The following MLXIP variants were observed in gnomAD, a reference collection of about 807,000 sequenced individuals.
MLXIP encodes the protein MLX-interacting protein.
MLXIP carries 30 observed loss-of-function variants against 87.2 expected under a neutral mutation model. The observed-to-expected ratio is 0.34, with a 90% CI of 0.26 to 0.47. The LOEUF (loss-of-function observed/expected upper bound fraction) is 0.47, where lower values mean the gene tolerates loss of function less well. Among genes scored for constraint, MLXIP ranks in the 20% least tolerant of loss-of-function variants. The probability of loss-of-function intolerance (pLI) is 1.00; values close to 1 mark genes in which losing one functional copy is unlikely to be tolerated. For missense variants in MLXIP, 1,002 were observed against 1,240.1 expected (o/e 0.81, Z 2.88); for synonymous variants, 530 against 514.0 (o/e 1.03, Z -0.42).
chr12:122,129,487 C>T (rs1376419576), intron 4 of MLXIP, 101 bp from the exon 5 acceptor site: 6 of 1,370,384 alleles, frequency 4.4e-6, no homozygotes, highest in Non-Finnish European at 6.1e-6. Flanking sequence ...ATGGTGTGAG[C>T]AGGACCCCTA....
intron 1 of MLXIP, among the ~76,000 whole-genome samples, chr12:122,102,715 A>G (rs1326711218): frequency 6.6e-6 from 1 of 152,246 alleles, no homozygotes; most frequent in East Asian, 1.9e-4. Context: ...GGATAGGAAT[A>G]TTATTCAGTG....
At chr12:122,129,367 G>A (rs961831649) in intron 4 of MLXIP, 141 bp downstream of exon 4, 13 of 927,858 alleles carry the variant, frequency 1.4e-5, no homozygotes, top group East Asian at 7.9e-5. Context: ...GGGGCCCAGC[G>A]TGCCAGACTA....
chr12:122,145,476 CTG>C lies in MLXIP; in HGVS notation c.*3666_*3667del, dbSNP rs780214634. ...GCACAGTGGCAGGCAGCACCTCTGT[CTG>C]TTGCTGACGTTGGGGGGCTTACACA... is the stretch of plus-strand genomic sequence containing the variant. On this transcript the variant is annotated 3_prime_UTR_variant, in exon 17 of 17. Transcript: ENST00000319080. 3 of 152,318 alleles carry C rather than the reference CTG, an allele frequency of 2.0e-5. No individual in the cohort carries two copies. The highest frequency in any genetic ancestry group is 4.4e-5 in the Non-Finnish European group (3 of 68,114). 9.4% of individuals were successfully genotyped at this position (152,318 alleles called of 1,614,324 possible).
intron 2 of MLXIP, 105 bp from the exon 3 acceptor site, chr12:122,127,778 G>A (rs7488393): frequency 0.47 from 390,011 of 829,162 alleles, 93,137 homozygotes; most frequent in Middle Eastern, 0.6. Context: ...GAAGGAAAGG[G>A]TACCTGGGAA....
At chr12:122,114,989 C>T (rs1050564697) in intron 1 of MLXIP, among the ~76,000 whole-genome samples, 1 of 151,794 alleles carries the variant, frequency 6.6e-6, no homozygotes, top group African/African-American at 2.4e-5. Context: ...TCAAATGATC[C>T]ACCTGCCTCA....
In MLXIP at chr12:122,133,354, A is replaced by T. The variant is rs1458319573; in HGVS notation, c.1099A>T (p.Ile367Phe). Residue 367 changes from isoleucine to phenylalanine, a missense_variant, in exon 9 of 17, where the codon ATC (isoleucine) becomes TTC (phenylalanine). Ile to Phe is a conservative substitution (Grantham distance 21, BLOSUM62 0). Around this residue, in one of 3 missense-constraint regions of MLXIP, gnomAD observed 746 missense variants for 897.0 expected, o/e 0.83. Coordinates refer to ENST00000319080, the MANE Select transcript of MLXIP (RefSeq NM_014938.6). The surrounding 1 kb of genome is among the most constrained non-coding windows in gnomAD (Gnocchi z 4.9). ...DPNNPPAQESILPTTALPTVS... is the reference protein window; with the variant it reads ...DPNNPPAQESFLPTTALPTVS... Reference sequence around the variant, plus strand: ...TCCTTTCTTCCTTTTTCAGGAGAGCATCCTGCCGACCACAGCCCTCCCCAC... The same window carrying T: ...TCCTTTCTTCCTTTTTCAGGAGAGCTTCCTGCCGACCACAGCCCTCCCCAC... 1 of 1,558,508 alleles carries T rather than the reference A, an allele frequency of 6.4e-7. No individual in the cohort carries two copies. Among genetic ancestry groups the T allele is most frequent in the Non-Finnish European group, 8.7e-7 (1 of 1,150,046 alleles).
chr12:122,132,295 T>A lies in MLXIP; in HGVS notation c.1004T>A (p.Leu335His). 2 of 1,610,690 alleles carry A rather than the reference T, an allele frequency of 1.2e-6. No individual in the cohort carries two copies. The highest frequency in any genetic ancestry group is 1.7e-6 in the Non-Finnish European group (2 of 1,178,388). ...GACCCCTGCTGTTGTTTTTCAGACC[T>A]CTTCTCTTCTAGCCGCTCCATTTTT... ...FMDTFEPFQD[L>H]FSSSRSIFGS... The change falls in exon 8 of 17, where the codon CTC becomes CAC. Residue 335 changes from leucine (L) to histidine (H), a missense_variant. Physicochemically the swap from Leu to His is moderately conservative, Grantham distance 99. Transcript: ENST00000319080.
intron 1 of MLXIP, among the ~76,000 whole-genome samples, chr12:122,097,613 TAAA>T (rs373093831): frequency 7.1e-6 from 1 of 140,578 alleles, no homozygotes. Flanking sequence ...ACCCTGCCTC[TAAA>T]AAAAAAAAAA....
intron 1 of MLXIP, among the ~76,000 whole-genome samples, chr12:122,114,025 G>A (rs1213517668): frequency 9.3e-6 from 1 of 107,838 alleles, no homozygotes; most frequent in Admixed American, 1.2e-4. Context: ...CACTCTTGTT[G>A]CCCAGGCTAG....
chr12:122,139,915 C>G (rs926564372), intron 15 of MLXIP, among the ~76,000 whole-genome samples: 12 of 152,130 alleles, frequency 7.9e-5, no homozygotes, highest in South Asian at 6.2e-4. Context: ...CTCAGGTGAT[C>G]CCCCTGCCTT....
Position 122,141,752 on chromosome 12 carries a change from G to C in MLXIP, c.2700G>C (p.Gln900His). 1 of 1,613,904 alleles carries C rather than the reference G, an allele frequency of 6.2e-7. No individual in the cohort carries two copies. The highest frequency in any genetic ancestry group is 8.5e-7 in the Non-Finnish European group (1 of 1,179,900). The change falls in exon 17 of 17, where the codon CAG (glutamine) becomes CAC (histidine). Residue 900 changes from glutamine to histidine, a missense_variant. By Grantham distance (24) the Gln-to-His change is conservative (BLOSUM62 0). Transcript: ENST00000319080. ...TSTSILTDPA[Q>H]LPEQASKAVT... ...CCTCCATCCTCACAGACCCGGCACA[G>C]CTGCCAGAGCAGGCGTCCAAGGCTG...
rs1953235609 is a variant in MLXIP at position 122,142,925 on chromosome 12, T to C, written c.*1113T>C. On this transcript the variant is annotated 3_prime_UTR_variant, in exon 17 of 17. Transcript: ENST00000319080. ...ATCTCTCAGATCAGACAGCAAAGAA[T>C]CTACCCAGATCTGGGCTGGGTGGAG... 1 of 153,800 alleles carries C rather than the reference T, an allele frequency of 6.5e-6. No individual in the cohort carries two copies. The highest frequency in any genetic ancestry group is 1.4e-5 in the Non-Finnish European group (1 of 68,968). The allele number at this position is 153,800 out of a possible 1,614,324, so 9.5% of individuals were successfully genotyped here. A position where few individuals can be genotyped will look rare whatever the true frequency, so the allele number is the denominator to read the frequency against.
Position 122,133,128 on chromosome 12 carries a change from C to A in MLXIP, c.1093-220C>A, listed in dbSNP as rs1953009988. ...AGCTGTGTGAGGGCCGTTGCCTTAT[C>A]TGAGCTCTGAGTTATTTAGTTTTTA... is the stretch of plus-strand genomic sequence containing the variant. On this transcript the variant is annotated intron_variant, in intron 8 of 16. Transcript: ENST00000319080. The surrounding 1 kb of genome is among the most constrained non-coding windows in gnomAD (Gnocchi z 4.9). 1 of 487,286 alleles carries A rather than the reference C, an allele frequency of 2.1e-6. No individual in the cohort carries two copies. The highest frequency in any genetic ancestry group is 3.5e-6 in the Non-Finnish European group (1 of 284,438). The allele number at this position is 487,286 out of a possible 1,614,324, so 30.2% of individuals were successfully genotyped here. A position where few individuals can be genotyped will look rare whatever the true frequency, so the allele number is the denominator to read the frequency against.
In MLXIP at chr12:122,142,395, CT is replaced by C; in HGVS notation, c.*585del. The C allele has an allele frequency of 1.4e-5, 7 of 500,290 alleles. No individual in the cohort carries two copies. Among genetic ancestry groups the C allele is most frequent in the Non-Finnish European group, 2.7e-5 (7 of 258,154 alleles). 31.0% of individuals were successfully genotyped at this position (500,290 alleles called of 1,614,324 possible). ...ATGGCAGGCTGCCAGGGGGAAGTGC[CT>C]TCTTCAGAGGTCCTCCAGGACACAT... On this transcript the variant is annotated 3_prime_UTR_variant, in exon 17 of 17. Coordinates refer to ENST00000319080, the MANE Select transcript of MLXIP (RefSeq NM_014938.6).
In MLXIP at chr12:122,137,512, G is replaced by A. The variant is rs367600310; in HGVS notation, c.2076G>A (p.Ser692=). The change falls in exon 12 of 17, where the codon TCG becomes TCA. Residue 692 remains serine (S), a synonymous_variant. Transcript: ENST00000319080. This position sits in a 1 kb window ranked among gnomAD's most constrained non-coding sequence, Gnocchi z 4.1. Reference sequence around the variant, plus strand: ...CAGGGCAGGCCTCTCCGTGTGCATCGGAGCAGAGCCCCAGTCCTCAATCTC... The same window carrying A: ...CAGGGCAGGCCTCTCCGTGTGCATCAGAGCAGAGCCCCAGTCCTCAATCTC... ...PNSGQASPCA[S]EQSPSPQSPQ... is the part of the protein sequence containing the mutation. The A allele has an allele frequency of 2.2e-4, 359 of 1,613,970 alleles. No individual in the cohort carries two copies. In the African/African-American group the frequency reaches 4.4e-3, roughly 20 times the overall value.
intron 1 of MLXIP, among the ~76,000 whole-genome samples, chr12:122,094,678 G>A: frequency 6.9e-6 from 1 of 145,762 alleles, no homozygotes; most frequent in Non-Finnish European, 1.5e-5. Flanking sequence ...AGGTGTGTGT[G>A]CGATGTCTGT....
rs1022667000 is a variant in MLXIP, at chr12:122,138,101, C to T, written c.2155-93C>T. On this transcript the variant is annotated intron_variant, in intron 12 of 16. Coordinates refer to ENST00000319080, the MANE Select transcript of MLXIP (RefSeq NM_014938.6). ...TCCCACGTAGCTCTCTAGCCCTGGC[C>T]CTTGGGCACCCAGGATCAGCGTAGG... 2.6e-6 allele frequency: 3 copies of T among 1,149,436 alleles called. No individual in the cohort carries two copies. The African/African-American group carries it at 4.6e-5, about 18-fold the overall frequency. 71.2% of individuals were successfully genotyped at this position (1,149,436 alleles called of 1,614,324 possible). A position where few individuals can be genotyped will look rare whatever the true frequency, so the allele number is the denominator to read the frequency against.
intron 9 of MLXIP, chr12:122,134,343 C>T (rs1448061396): frequency 1.9e-5 from 5 of 264,800 alleles, no homozygotes; most frequent in Non-Finnish European, 2.8e-5. Context: ...TACAGGTGTG[C>T]GCCACTATAC....
chr12:122,093,014 G>A (rs1481993198), intron 1 of MLXIP, among the ~76,000 whole-genome samples: 2 of 142,846 alleles, frequency 1.4e-5, no homozygotes, highest in Non-Finnish European at 3.1e-5. Flanking sequence ...GTGTGGTGTG[G>A]TCTGTGTATA....
Sources: gnomAD v4.1 joint callset for allele counts (sites outside exome capture counted in the v4.1 genomes callset) on GRCh38, gnomAD v4.1.1 for gene constraint, gnomAD v4.1.1 regional missense constraint, Gnocchi (gnomAD v3.1) non-coding constraint, MANE v1.5 for transcripts, NCBI Gene and HGNC (gene_info 2026-07-23, HGNC 2026-07-21) for gene names.